SERBP1: variants seen among roughly 807,000 people sequenced by gnomAD.
SERBP1 encodes the protein SERPINE1 mRNA binding protein 1, also known as SERPINE1 mRNA-binding protein 1.
A neutral mutation model predicts 50.2 loss-of-function variants in SERBP1; 6 were observed. The ratio of observed to expected loss-of-function variants is 0.12; its 90% confidence interval spans 0.07 to 0.24. The LOEUF (loss-of-function observed/expected upper bound fraction) is 0.24. Ranked by LOEUF, SERBP1 falls within the 10% of genes least tolerant of loss-of-function variation. The pLI, the probability that SERBP1 is intolerant of heterozygous loss-of-function variation, is 1.00. For synonymous variants in SERBP1, 168 were observed against 182.8 expected, an observed-to-expected ratio of 0.92 and a Z score of 0.65; for missense variants, 346 against 524.9, an observed-to-expected ratio of 0.66 and a Z score of 3.33.
At position 67,407,984 on chromosome 1, in the gene SERBP1, T is replaced by C. The variant is rs1408032256; in HGVS notation, c.*5223A>G. 1 of 152,210 alleles carries C rather than the reference T, an allele frequency of 6.6e-6. No individual in the cohort carries two copies. Among genetic ancestry groups the C allele is most frequent in the Non-Finnish European group, 1.5e-5 (1 of 68,040 alleles). The allele number at this position is 152,210 out of a possible 1,614,324, so 9.4% of individuals were successfully genotyped here. ...CTGTTTCTTTAAATTAGAGATCTTT[T>C]TGGTCCTAAAATCTAGAACTGAATC... is the stretch of plus-strand genomic sequence containing the variant. On this transcript the variant is annotated 3_prime_UTR_variant, in exon 8 of 8. Coordinates refer to ENST00000361219, the MANE Select transcript of SERBP1 (RefSeq NM_001018069.2).
intron 4 of SERBP1, 100 bp downstream of exon 4, chr1:67,424,788 G>A: frequency 2.2e-6 from 2 of 893,438 alleles, no homozygotes; most frequent in South Asian, 1.4e-5. Context: ...ACTCTCAGAA[G>A]AGAGCATTCA....
chr1:67,425,189 C>T lies in SERBP1; in HGVS notation c.499G>A (p.Gly167Ser), dbSNP rs779949160. The stretch of plus-strand genomic sequence containing the variant: ...CGGCCCCCTCGACCTCTTCCAAGAC[C>T]ACCACGACCTCGAATAGGTCGGTCA... Reference protein sequence around the residue: ...IIDRPIRGRGGLGRGRGGRGR... With the variant: ...IIDRPIRGRGSLGRGRGGRGR... The change falls in exon 3 of 8, where the codon GGT becomes AGT. Residue 167 changes from glycine to serine, a missense_variant. Physicochemically the swap from Gly to Ser is moderately conservative, Grantham distance 56 (BLOSUM62 0). Transcript: ENST00000361219. 1.2e-6 allele frequency: 2 copies of T among 1,610,184 alleles called. No individual in the cohort carries two copies. The highest frequency in any genetic ancestry group is 1.7e-6 in the Non-Finnish European group (2 of 1,179,238).
At chr1:67,422,876 G>A (rs775498840) in intron 5 of SERBP1, among the ~76,000 whole-genome samples, 15 of 152,210 alleles carry the variant, frequency 9.9e-5, no homozygotes, top group Middle Eastern at 3.4e-3. Flanking sequence ...CAGGAGAATC[G>A]TTTGAACCCA....
At chr1:67,429,868 G>T in intron 1 of SERBP1, 120 bp downstream of exon 1, 1 of 1,104,230 alleles carries the variant, frequency 9.1e-7, no homozygotes. Flanking sequence ...GAAGAAACGT[G>T]AGGATATAGG....
rs140656950 is a variant in SERBP1, at chr1:67,414,789, A to G, written c.1125+377T>C. On this transcript the variant is annotated intron_variant, in intron 7 of 7. Transcript: ENST00000361219. ...AAGCAGTTAGGAATTATCAAAGTGA[A>G]CAGACTGGTTTTCAGGTAAGCCTTA... is the stretch of plus-strand genomic sequence containing the variant. Among the ~76,000 whole-genome samples the G allele has an allele frequency of 1.7e-4, 26 of 152,344 alleles. No homozygotes were observed. The East Asian group carries it at 4.4e-3, about 26-fold the overall frequency.
chr1:67,424,843 A>G (rs6702742), intron 4 of SERBP1, 45 bp downstream of exon 4: 793,953 of 1,430,578 alleles, frequency 0.55, 228,413 homozygotes, highest in Non-Finnish European at 0.59. Context: ...GTATGGATTA[A>G]CCTCTAGTTA....
chr1:67,414,487 T>TA (rs1207463577), intron 7 of SERBP1, among the ~76,000 whole-genome samples: 1 of 152,188 alleles, frequency 6.6e-6, no homozygotes, highest in Non-Finnish European at 1.5e-5. Flanking sequence ...AATTTGTGTG[T>TA]AAGGTGTTGA....
At chr1:67,419,141 ACAAG>A (rs1324855615) in intron 6 of SERBP1, among the ~76,000 whole-genome samples, 1 of 152,234 alleles carries the variant, frequency 6.6e-6, no homozygotes, top group African/African-American at 2.4e-5. Context: ...CAGTCTTGAG[ACAAG>A]CAAGCCCAAT....
Position 67,424,893 on chromosome 1 carries a change from T to C in SERBP1, c.690A>G (p.Glu230=), listed in dbSNP as rs570477386. 3.1e-6 allele frequency: 5 copies of C among 1,611,406 alleles called. No homozygotes were observed. The highest frequency in any genetic ancestry group is 2.2e-5 in the South Asian group (2 of 90,970). ...GSHNWGTVKD[E]LTDLDQSNVT... ...AAGAAAATCAGAATACCAACGTTAA[T>C]TCGTCTTTGACAGTTCCCCAGTTGT... The change falls in exon 4 of 8, where the codon GAA becomes GAG. Residue 230 remains glutamate, a synonymous_variant. Coordinates refer to ENST00000361219, the MANE Select transcript of SERBP1 (RefSeq NM_001018069.2).
In SERBP1 at chr1:67,426,297, A is replaced by C. The variant is rs777420419; in HGVS notation, c.314-12T>G. The C allele has an allele frequency of 7.0e-6, 11 of 1,574,386 alleles. No homozygotes were observed. The highest frequency in any genetic ancestry group is 9.5e-6 in the Non-Finnish European group (11 of 1,163,170). ...AACTCGTCTTATTCCTAAAACGATA[A>C]GATAACCTGCATAAGCAAATTATTT... is the stretch of plus-strand genomic sequence containing the variant. On this transcript the variant is annotated splice_polypyrimidine_tract_variant and intron_variant, in intron 1 of 7. Coordinates refer to ENST00000361219, the MANE Select transcript of SERBP1 (RefSeq NM_001018069.2).
At chr1:67,429,874 A>C in intron 1 of SERBP1, 114 bp downstream of exon 1, 1 of 1,157,896 alleles carries the variant, frequency 8.6e-7, no homozygotes, top group Non-Finnish European at 1.2e-6. Context: ...ACGTGAGGAT[A>C]TAGGCGGCAA....
rs1050513037 is a variant in SERBP1 at position 67,426,207 on chromosome 1, C to G, written c.392G>C (p.Arg131Pro). ...TTCGAATCTTCGTTCACGAGGTGGTCGCCTTTCTGGTCTTCTATCAATTAT... is the reference window on the plus strand; with the variant it reads ...TTCGAATCTTCGTTCACGAGGTGGTGGCCTTTCTGGTCTTCTATCAATTAT... Reference protein sequence around the residue: ...GKIIDRRPERRPPRERRFEKP... With the variant: ...GKIIDRRPERPPPRERRFEKP... The change falls in exon 2 of 8, where the codon CGA becomes CCA. Residue 131 changes from arginine to proline, a missense_variant. By Grantham distance (103) the Arg-to-Pro change is moderately radical. This residue lies in a region of SERBP1 where 257 missense variants were observed against 331.2 expected (regional missense o/e 0.78). Coordinates refer to ENST00000361219, the MANE Select transcript of SERBP1 (RefSeq NM_001018069.2). 1.2e-6 allele frequency: 2 copies of G among 1,610,660 alleles called. No homozygotes were observed. Among genetic ancestry groups the G allele is most frequent in the Non-Finnish European group, 1.7e-6 (2 of 1,178,690 alleles).
rs1460907836 is a variant in SERBP1, at chr1:67,412,581, T to C, written c.*626A>G. On this transcript the variant is annotated 3_prime_UTR_variant, in exon 8 of 8. Coordinates refer to ENST00000361219, the MANE Select transcript of SERBP1 (RefSeq NM_001018069.2). ...TGCTTTGAATTTGTTCAAGTACTGA[T>C]ATTTCTGTATATAAAGATTTAGCAT... 2.6e-5 allele frequency: 4 copies of C among 152,678 alleles called. No homozygotes were observed. The highest frequency in any genetic ancestry group is 2.4e-5 in the African/African-American group (1 of 41,458). 9.5% of individuals were successfully genotyped at this position (152,678 alleles called of 1,614,324 possible).
chr1:67,414,835 T>C lies in SERBP1; in HGVS notation c.1125+331A>G, dbSNP rs193049160. ...CCTTAGCAAAGGCCAAGAGTTAACC[T>C]GATTCACTATACCAGAATTTTCTCA... On this transcript the variant is annotated intron_variant, in intron 7 of 7. Transcript: ENST00000361219. Among the ~76,000 whole-genome samples, 21 of 152,314 alleles carry C rather than the reference T, an allele frequency of 1.4e-4. No homozygotes were observed. The East Asian group carries it at 3.9e-3, about 28-fold the overall frequency.
rs1446995448 is a variant in SERBP1 at position 67,409,282 on chromosome 1, T to C, written c.*3925A>G. ...CAGTTCCGGGGTCAGCAAACATTTC[T>C]GTGAAAGGCGGTATCTTATGCTGGG... On this transcript the variant is annotated 3_prime_UTR_variant, in exon 8 of 8. Transcript: ENST00000361219. 6.6e-6 allele frequency: 1 copy of C among 151,182 alleles called. No homozygotes were observed. The highest frequency in any genetic ancestry group is 1.5e-5 in the Non-Finnish European group (1 of 67,924). 9.4% of individuals were successfully genotyped at this position (151,182 alleles called of 1,614,324 possible). A position where few individuals can be genotyped will look rare whatever the true frequency, so the allele number is the denominator to read the frequency against.
chr1:67,410,102 T>C lies in SERBP1; in HGVS notation c.*3105A>G, dbSNP rs1277314898. 1 of 152,216 alleles carries C rather than the reference T, an allele frequency of 6.6e-6. No homozygotes were observed. The highest frequency in any genetic ancestry group is 1.9e-4 in the East Asian group (1 of 5,194). The allele number at this position is 152,216 out of a possible 1,614,324, so 9.4% of individuals were successfully genotyped here. On this transcript the variant is annotated 3_prime_UTR_variant, in exon 8 of 8. Transcript: ENST00000361219. ...CTATACCATTGGACTGGAGGTCCAC[T>C]AATATACCTGAATAATCTTACCTCT... is the stretch of plus-strand genomic sequence containing the variant.
In SERBP1 at chr1:67,411,503, A is replaced by G. The variant is rs1010898360; in HGVS notation, c.*1704T>C. ...TAAATATAAAATTATATTAGACATT[A>G]GCACCAGTGCAGAACATGCTCAGCA... On this transcript the variant is annotated 3_prime_UTR_variant, in exon 8 of 8. Transcript: ENST00000361219. The G allele has an allele frequency of 2.6e-5, 4 of 152,202 alleles. No homozygotes were observed. Among genetic ancestry groups the G allele is most frequent in the Non-Finnish European group, 4.4e-5 (3 of 68,008 alleles). 9.4% of individuals were successfully genotyped at this position (152,202 alleles called of 1,614,324 possible).
chr1:67,417,634 TCC>T (rs983863909), intron 6 of SERBP1, among the ~76,000 whole-genome samples: 5 of 151,866 alleles, frequency 3.3e-5, no homozygotes, highest in African/African-American at 1.2e-4. Flanking sequence ...CGCCTCAGCC[TCC>T]CAGGTAACTG....
chr1:67,411,430 C>CAATA lies in SERBP1; in HGVS notation c.*1773_*1776dup, dbSNP rs1289389883. The stretch of plus-strand genomic sequence containing the variant: ...GTTGCTGTCTCAATGAACAATGGGT[C>CAATA]AATAGTTCATATGGACTAAATTAAT... On this transcript the variant is annotated 3_prime_UTR_variant, in exon 8 of 8. Coordinates refer to ENST00000361219, the MANE Select transcript of SERBP1 (RefSeq NM_001018069.2). 6.6e-6 allele frequency: 1 copy of CAATA among 152,036 alleles called. No homozygotes were observed. The highest frequency in any genetic ancestry group is 2.4e-5 in the African/African-American group (1 of 41,416). 9.4% of individuals were successfully genotyped at this position (152,036 alleles called of 1,614,324 possible). A position where few individuals can be genotyped will look rare whatever the true frequency, so the allele number is the denominator to read the frequency against.
Sources: allele counts gnomAD v4.1 joint callset (sites outside exome capture counted in the v4.1 genomes callset), GRCh38; gene constraint gnomAD v4.1.1; regional missense constraint gnomAD v4.1.1; transcripts MANE v1.5; gene names NCBI Gene and HGNC (gene_info 2026-07-23, HGNC 2026-07-21).